The following RRM2B variants were observed in gnomAD, a reference collection of about 807,000 sequenced individuals.
The protein encoded by RRM2B is ribonucleoside-diphosphate reductase subunit M2 B.
Under a neutral mutation model 45.9 loss-of-function variants are expected in RRM2B, and 20 were observed. The ratio of observed to expected loss-of-function variants is 0.44; its 90% CI spans 0.31 to 0.63. The LOEUF is 0.63. Among genes scored for constraint, RRM2B ranks in the 30% least tolerant of loss-of-function variants. RRM2B has a pLI of 0.09. For missense variants in RRM2B, 320 were observed against 414.7 expected, an observed-to-expected ratio of 0.77 and a Z score of 1.98; for synonymous variants, 124 against 132.3, an observed-to-expected ratio of 0.94 and a Z score of 0.43.
chr8:102,216,306 C>T (rs557029758), intron 6 of RRM2B, among the ~76,000 whole-genome samples: 2 of 151,842 alleles, frequency 1.3e-5, no homozygotes, highest in South Asian at 4.2e-4. Flanking sequence ...TTTACAAATT[C>T]CAATTGCATT....
intron 6 of RRM2B, 51 bp downstream of exon 6, chr8:102,218,763 G>T (rs200933469): frequency 1.7e-3 from 1,787 of 1,051,060 alleles, no homozygotes; most frequent in Non-Finnish European, 2.1e-3. Flanking sequence ...AAAAATAGAT[G>T]AACATCAAAT....
At chr8:102,225,071 A>G (rs980092519) in intron 3 of RRM2B, 53 bp from the exon 4 acceptor site, 1 of 1,592,094 alleles carries the variant, frequency 6.3e-7, no homozygotes, top group African/African-American at 1.3e-5. Flanking sequence ...CTCATTAAAC[A>G]CTGCAAATCA....
intron 8 of RRM2B, among the ~76,000 whole-genome samples, chr8:102,210,837 C>G (rs1292517649): frequency 1.3e-5 from 2 of 151,768 alleles, no homozygotes; most frequent in African/African-American, 2.4e-5. Flanking sequence ...TGGGGTCGAG[C>G]AATCCTCCTG....
At chr8:102,208,348 C>G in intron 8 of RRM2B, 63 bp from the exon 9 acceptor site, 1 of 1,176,520 alleles carries the variant, frequency 8.5e-7, no homozygotes. Context: ...ACAATAAGAG[C>G]AAAGATGACC....
In RRM2B at chr8:102,223,111, A is replaced by G. The variant is rs1810863380; in HGVS notation, c.550+935T>C. Among the ~76,000 whole-genome samples, 10 of 152,124 alleles carry G rather than the reference A, an allele frequency of 6.6e-5. No individual in the cohort carries two copies. In the South Asian group the frequency reaches 2.1e-3, roughly 31 times the overall value. On this transcript the variant is annotated intron_variant, in intron 5 of 8. Coordinates refer to ENST00000251810, the MANE Select transcript of RRM2B (RefSeq NM_015713.5). ...GAACACCAATTAAAAATAGATAAGAATGAGATGGGTACTTAGAGCTATCCA... is the reference window on the plus strand; with the variant it reads ...GAACACCAATTAAAAATAGATAAGAGTGAGATGGGTACTTAGAGCTATCCA...
chr8:102,238,961 T>TGGTCCGCTGGGTCCGCC (rs1811183927), upstream of RRM2B: 46 of 1,421,368 alleles, frequency 3.2e-5, no homozygotes, highest in South Asian at 4.8e-4. Flanking sequence ...GGTGGTCCGC[T>TGGTCCGCTGGGTCCGCC]GGTCCGCTGG....
chr8:102,208,752 A>T (rs1443425829), intron 8 of RRM2B, among the ~76,000 whole-genome samples: 2 of 152,176 alleles, frequency 1.3e-5, no homozygotes, highest in Non-Finnish European at 2.9e-5. Flanking sequence ...TCATTAAGGG[A>T]ACATGATCAG....
chr8:102,206,089 T>G lies in RRM2B; in HGVS notation c.*2044A>C, dbSNP rs1810539737. The G allele has an allele frequency of 6.6e-6, 1 of 152,094 alleles. No individual in the cohort carries two copies. The highest frequency in any genetic ancestry group is 1.5e-5 in the Non-Finnish European group (1 of 67,998). The allele number at this position is 152,094 out of a possible 1,614,324, so 9.4% of individuals were successfully genotyped here. ...TTTGTATGGCAATATATAAATATCT[T>G]TAAACATATTACCTGAATACAGTTC... is the stretch of plus-strand genomic sequence containing the variant. On this transcript the variant is annotated 3_prime_UTR_variant, in exon 9 of 9. Coordinates refer to ENST00000251810, the MANE Select transcript of RRM2B (RefSeq NM_015713.5).
intron 5 of RRM2B, 50 bp downstream of exon 5, chr8:102,223,996 G>C: frequency 1.6e-6 from 2 of 1,283,628 alleles, no homozygotes; most frequent in Non-Finnish European, 2.3e-6. Context: ...ATAAAATACT[G>C]TCATATCACC....
At chr8:102,215,315 C>T (rs966949574) in intron 6 of RRM2B, among the ~76,000 whole-genome samples, 4 of 151,482 alleles carry the variant, frequency 2.6e-5, no homozygotes, top group African/African-American at 9.7e-5. Context: ...GAGGCTGAAG[C>T]AGGAAGATTG....
intron 2 of RRM2B, among the ~76,000 whole-genome samples, chr8:102,228,674 C>T (rs898111898): frequency 2.0e-5 from 3 of 152,206 alleles, no homozygotes; most frequent in Non-Finnish European, 4.4e-5. Flanking sequence ...TTGCTCCTGC[C>T]GGTGCCCAAA....
intron 5 of RRM2B, 122 bp from the exon 6 acceptor site, chr8:102,219,069 G>A: frequency 9.5e-7 from 1 of 1,057,330 alleles, no homozygotes; most frequent in East Asian, 2.5e-5. Flanking sequence ...ACACAAGTTA[G>A]TGCCATGGCC....
chr8:102,227,532 G>A (rs1444128196), intron 2 of RRM2B, among the ~76,000 whole-genome samples: 1 of 152,060 alleles, frequency 6.6e-6, no homozygotes, highest in Non-Finnish European at 1.5e-5. Flanking sequence ...GAACTCCTGA[G>A]CTCAAGTGAT....
intron 5 of RRM2B, among the ~76,000 whole-genome samples, chr8:102,221,388 G>T (rs962245016): frequency 6.6e-6 from 1 of 152,310 alleles, no homozygotes; most frequent in African/African-American, 2.4e-5. Context: ...TGAAAGAGCT[G>T]CCCTTTTCAA....
chr8:102,213,041 C>A, intron 7 of RRM2B, 152 bp from the exon 8 acceptor site: 1 of 634,816 alleles, frequency 1.6e-6, no homozygotes, highest in Non-Finnish European at 2.8e-6. Context: ...AAATGATGTC[C>A]GTATATTTAA....
chr8:102,232,172 C>T lies in RRM2B; in HGVS notation c.181G>A (p.Ala61Thr). 3 of 1,614,124 alleles carry T rather than the reference C, an allele frequency of 1.9e-6. No individual in the cohort carries two copies. The highest frequency in any genetic ancestry group is 2.5e-6 in the Non-Finnish European group (3 of 1,179,986). Reference sequence around the variant, plus strand: ...ACCTCTTCTGCTGTCCAGAAGGAAGCCTGTGCCTGTTTATACATTTTCCAA... The same window carrying T: ...ACCTCTTCTGCTGTCCAGAAGGAAGTCTGTGCCTGTTTATACATTTTCCAA... ...DIWKMYKQAQ[A>T]SFWTAEEVDL... The change falls in exon 2 of 9, where the codon GCT (alanine) becomes ACT (threonine). Residue 61 changes from alanine (A) to threonine (T), a missense_variant. Coordinates refer to ENST00000251810, the MANE Select transcript of RRM2B (RefSeq NM_015713.5).
At chr8:102,211,474 G>A (rs761567875) in intron 8 of RRM2B, among the ~76,000 whole-genome samples, 1 of 152,198 alleles carries the variant, frequency 6.6e-6, no homozygotes, top group African/African-American at 2.4e-5. Flanking sequence ...ACCTTCTCCT[G>A]CAGGAGGTGG....
At chr8:102,216,384 A>C (rs1169172591) in intron 6 of RRM2B, among the ~76,000 whole-genome samples, 2 of 152,206 alleles carry the variant, frequency 1.3e-5, no homozygotes, top group African/African-American at 4.8e-5. Context: ...AGTGGATTAC[A>C]TAAAATTTAA....
At chr8:102,228,651 C>T (rs953611946) in intron 2 of RRM2B, among the ~76,000 whole-genome samples, 1 of 152,242 alleles carries the variant, frequency 6.6e-6, no homozygotes, top group Non-Finnish European at 1.5e-5. Context: ...TGCCATGAGG[C>T]CTGCATGGAG....
Sources: gnomAD v4.1 joint callset for allele counts (sites outside exome capture counted in the v4.1 genomes callset) on GRCh38, gnomAD v4.1.1 for gene constraint, MANE v1.5 for transcripts, NCBI Gene and HGNC (gene_info 2026-07-23, HGNC 2026-07-21) for gene names.